Variants in TRHDE observed in about 807,000 individuals in gnomAD.
TRHDE encodes thyrotropin-releasing hormone-degrading ectoenzyme.
A neutral mutation model predicts 125.7 loss-of-function variants in TRHDE; 72 were observed. That is an observed-to-expected ratio of 0.57 (90% CI 0.47 to 0.70). The LOEUF is 0.70. TRHDE is among the 30% of genes least tolerant of loss of function. The pLI, the probability that TRHDE is intolerant of heterozygous loss-of-function variation, is 0.00. For synonymous variants in TRHDE, 509 were observed against 509.1 expected, an observed-to-expected ratio of 1.00 and a Z score of 0.00; for missense variants, 1,110 against 1,327.1, an observed-to-expected ratio of 0.84 and a Z score of 2.54.
At chr12:72,313,411 A>G (rs1197315212) in intron 2 of TRHDE, among the ~76,000 whole-genome samples, 3 of 152,068 alleles carry the variant, frequency 2.0e-5, no homozygotes, top group African/African-American at 4.8e-5. Context: ...AAATATTCCA[A>G]TGAGTGTTTT....
intron 2 of TRHDE, among the ~76,000 whole-genome samples, chr12:72,210,804 G>T (rs779947201): frequency 4.6e-5 from 7 of 152,118 alleles, no homozygotes; most frequent in Non-Finnish European, 1.0e-4. Flanking sequence ...TAATCTTAAT[G>T]GTTGAGAGTT....
chr12:72,246,440 T>C lies in TRHDE; in HGVS notation n.280-131555T>C, dbSNP rs577919178. On this transcript the variant is annotated intron_variant and non_coding_transcript_variant, in intron 2 of 4. Transcript: ENST00000548156. The stretch of plus-strand genomic sequence containing the variant: ...TTATCTGTTCAGTATTATTTGGATA[T>C]GATTTTTGATTCCCCTCTGACTTAT... Among the ~76,000 whole-genome samples the C allele has an allele frequency of 2.1e-4, 32 of 152,318 alleles. No homozygotes were observed. In the South Asian group the frequency reaches 3.3e-3, roughly 16 times the overall value.
chr12:72,374,467 G>A (rs1304431461), intron 2 of TRHDE, among the ~76,000 whole-genome samples: 1 of 152,040 alleles, frequency 6.6e-6, no homozygotes, highest in African/African-American at 2.4e-5. Flanking sequence ...GCATCTACAT[G>A]ACATTTATGG....
At chr12:72,562,498 A>G (rs1870226328) in intron 8 of TRHDE, among the ~76,000 whole-genome samples, 1 of 146,410 alleles carries the variant, frequency 6.8e-6, no homozygotes, top group Non-Finnish European at 1.5e-5. Flanking sequence ...TAAGATATTC[A>G]TGTTAAAAAA....
chr12:72,591,279 C>T (rs1048690692), intron 12 of TRHDE, among the ~76,000 whole-genome samples: 1 of 152,160 alleles, frequency 6.6e-6, no homozygotes. Flanking sequence ...ATCCATATCA[C>T]TGTTGGATTT....
At chr12:72,360,962 T>G (rs937297940) in intron 2 of TRHDE, among the ~76,000 whole-genome samples, 3 of 151,594 alleles carry the variant, frequency 2.0e-5, no homozygotes, top group African/African-American at 4.8e-5. Context: ...CATTAGTTAT[T>G]TATCCTGATG....
At chr12:72,492,093 T>C (rs1447351776) in intron 5 of TRHDE, among the ~76,000 whole-genome samples, 1 of 152,034 alleles carries the variant, frequency 6.6e-6, no homozygotes, top group Non-Finnish European at 1.5e-5. Flanking sequence ...GGCTTTAGTA[T>C]AAATGGACTG....
chr12:72,158,833 A>G (rs1010287839), intron 2 of TRHDE, among the ~76,000 whole-genome samples: 1 of 152,136 alleles, frequency 6.6e-6, no homozygotes. Flanking sequence ...TTCTGAGTCT[A>G]TTTACTTCTT....
chr12:72,488,558 G>A (rs1197149972), intron 5 of TRHDE, among the ~76,000 whole-genome samples: 1 of 151,894 alleles, frequency 6.6e-6, no homozygotes, highest in African/African-American at 2.4e-5. Flanking sequence ...TACAATAATA[G>A]GGACTTCAAT....
chr12:72,515,891 A>C (rs2135954763), intron 6 of TRHDE, among the ~76,000 whole-genome samples: 1 of 146,808 alleles, frequency 6.8e-6, no homozygotes, highest in Admixed American at 6.7e-5. Flanking sequence ...CCATTTATTA[A>C]ATAGGGAATC....
At chr12:72,241,127 T>A (rs188157910) in intron 2 of TRHDE, among the ~76,000 whole-genome samples, 2 of 152,258 alleles carry the variant, frequency 1.3e-5, no homozygotes, top group African/African-American at 4.8e-5. Flanking sequence ...CCACTCCCAA[T>A]ACAAGCAGCC....
At position 72,346,280 on chromosome 12, in the gene TRHDE, A is replaced by G. The variant is rs575468028; in HGVS notation, c.1189-31715A>G. Among the ~76,000 whole-genome samples, 6 of 152,170 alleles carry G rather than the reference A, an allele frequency of 3.9e-5. No individual in the cohort carries two copies. The South Asian group carries it at 6.2e-4, about 16-fold the overall frequency. ...GAGTTGATGAATCTTGAAGGAATTTAAGTTCTGAAAGATCTGTGAGAGCAG... is the reference window on the plus strand; with the variant it reads ...GAGTTGATGAATCTTGAAGGAATTTGAGTTCTGAAAGATCTGTGAGAGCAG... On this transcript the variant is annotated intron_variant, in intron 2 of 18. Transcript: ENST00000261180.
intron 15 of TRHDE, among the ~76,000 whole-genome samples, chr12:72,643,093 A>G (rs1874134436): frequency 2.0e-5 from 3 of 152,134 alleles, no homozygotes; most frequent in African/African-American, 7.2e-5. Flanking sequence ...TGATCTTGTG[A>G]ACTTTAGATT....
At chr12:72,177,776 T>C (rs372382551) in intron 2 of TRHDE, among the ~76,000 whole-genome samples, 1 of 152,010 alleles carries the variant, frequency 6.6e-6, no homozygotes, top group Non-Finnish European at 1.5e-5. Flanking sequence ...TTATAAACTA[T>C]CATCAGAGCC....
chr12:72,467,408 A>G (rs905924708), intron 3 of TRHDE, among the ~76,000 whole-genome samples: 10 of 151,942 alleles, frequency 6.6e-5, no homozygotes, highest in African/African-American at 9.7e-5. Flanking sequence ...TTCTTCAACT[A>G]TTTGCTCATA....
intron 3 of TRHDE, among the ~76,000 whole-genome samples, chr12:72,422,827 C>T (rs1023008272): frequency 6.6e-6 from 1 of 152,090 alleles, no homozygotes; most frequent in Non-Finnish European, 1.5e-5. Flanking sequence ...GTCATGAGGG[C>T]TCTTTCATTA....
intron 6 of TRHDE, among the ~76,000 whole-genome samples, chr12:72,537,568 T>G (rs1479114431): frequency 6.6e-6 from 1 of 152,086 alleles, no homozygotes; most frequent in African/African-American, 2.4e-5. Flanking sequence ...CTCTTTCCTT[T>G]ATGAATCTCC....
chr12:72,173,497 T>A (rs773499389), intron 2 of TRHDE, among the ~76,000 whole-genome samples: 7 of 152,166 alleles, frequency 4.6e-5, no homozygotes, highest in East Asian at 1.9e-4. Context: ...CATAGGACAC[T>A]CTTGAAATAG....
chr12:72,193,765 G>GA (rs1057137484), intron 2 of TRHDE, among the ~76,000 whole-genome samples: 5 of 151,936 alleles, frequency 3.3e-5, no homozygotes, highest in African/African-American at 1.2e-4. Flanking sequence ...TTTAAAAAAT[G>GA]AAAAAAATAA....
Sources: gnomAD v4.1 joint callset for allele counts (sites outside exome capture counted in the v4.1 genomes callset) on GRCh38, gnomAD v4.1.1 for gene constraint, MANE v1.5 for transcripts, NCBI Gene and HGNC (gene_info 2026-07-23, HGNC 2026-07-21) for gene names.